The following ABTB3 variants were observed in gnomAD, a reference collection of about 807,000 sequenced individuals.
ABTB3 encodes ankyrin repeat and BTB domain containing 3.
At chr12:107,609,943 C>A in the ABTB3 span, 11 of 488,884 alleles carry the variant, frequency 2.3e-5, no homozygotes, top group East Asian at 3.6e-4. Context: ...ATATTCAATA[C>A]GTATTAGTCG....
chr12:107,589,016 C>G, the ABTB3 span, among the ~76,000 whole-genome samples: 575 of 152,292 alleles, frequency 3.8e-3, 1 homozygote, highest in African/African-American at 0.013. Context: ...ACCGCTTACT[C>G]TCTGTGTGAC....
chr12:107,634,680 G>C, the ABTB3 span, among the ~76,000 whole-genome samples: 1 of 152,142 alleles, frequency 6.6e-6, no homozygotes, highest in Non-Finnish European at 1.5e-5. Flanking sequence ...AAGCAGGCGC[G>C]TGTGTCCCCA....
chr12:107,472,262 T>A, the ABTB3 span, among the ~76,000 whole-genome samples: 2 of 152,152 alleles, frequency 1.3e-5, no homozygotes, highest in African/African-American at 4.8e-5. Flanking sequence ...CACATGAACC[T>A]TAAAGGCTTC....
chr12:107,653,964 G>A, the ABTB3 span, among the ~76,000 whole-genome samples: 48 of 152,180 alleles, frequency 3.2e-4, no homozygotes, highest in Admixed American at 8.5e-4. Flanking sequence ...CCCCAGGCCC[G>A]GGTATTTACC....
the ABTB3 span, among the ~76,000 whole-genome samples, chr12:107,476,678 C>G: frequency 6.6e-6 from 1 of 151,834 alleles, no homozygotes; most frequent in East Asian, 1.9e-4. Context: ...GAGCTACATT[C>G]TGGAGTCTCC....
chr12:107,604,704 A>G, the ABTB3 span, among the ~76,000 whole-genome samples: 13 of 152,356 alleles, frequency 8.5e-5, no homozygotes, highest in African/African-American at 3.1e-4. Context: ...AAAACAGAAC[A>G]GAAATTCCTC....
chr12:107,398,190 C>T, the ABTB3 span, among the ~76,000 whole-genome samples: 1 of 152,142 alleles, frequency 6.6e-6, no homozygotes, highest in Non-Finnish European at 1.5e-5. Context: ...CCACCGAGAA[C>T]AGAAAGCCTG....
At chr12:107,516,759 T>G in the ABTB3 span, among the ~76,000 whole-genome samples, 3 of 152,202 alleles carry the variant, frequency 2.0e-5, no homozygotes, top group Non-Finnish European at 4.4e-5. Flanking sequence ...TGAGGCCTTG[T>G]GGTTCAGGCA....
At chr12:107,367,983 T>A in the ABTB3 span, among the ~76,000 whole-genome samples, 1 of 152,244 alleles carries the variant, frequency 6.6e-6, no homozygotes, top group African/African-American at 2.4e-5. Context: ...AAGGAGCTTG[T>A]CCTGATCTTT....
At chr12:107,634,273 A>G in the ABTB3 span, among the ~76,000 whole-genome samples, 1 of 152,244 alleles carries the variant, frequency 6.6e-6, no homozygotes, top group Non-Finnish European at 1.5e-5. Context: ...AATTCAAAAG[A>G]ATATTTATTG....
the ABTB3 span, among the ~76,000 whole-genome samples, chr12:107,590,084 A>ATT: frequency 1.3e-5 from 2 of 150,828 alleles, no homozygotes; most frequent in Non-Finnish European, 3.0e-5. Flanking sequence ...TAATTCTTGT[A>ATT]TTTTTTTTTA....
chr12:107,362,077 GA>G, the ABTB3 span, among the ~76,000 whole-genome samples: 2 of 152,182 alleles, frequency 1.3e-5, no homozygotes, highest in Non-Finnish European at 2.9e-5. Context: ...CTGTGAAAAA[GA>G]AATGTTTGTC....
chr12:107,545,344 C>A, the ABTB3 span, among the ~76,000 whole-genome samples: 2 of 152,004 alleles, frequency 1.3e-5, no homozygotes, highest in Non-Finnish European at 2.9e-5. Flanking sequence ...CCGGCTCAAG[C>A]GATTCTCATT....
chr12:107,424,958 C>T, the ABTB3 span, among the ~76,000 whole-genome samples: 84 of 152,346 alleles, frequency 5.5e-4, no homozygotes, highest in African/African-American at 1.9e-3. Context: ...CCCTGTCCCT[C>T]CTAGTAGCTG....
At chr12:107,412,409 G>A in the ABTB3 span, among the ~76,000 whole-genome samples, 1 of 152,214 alleles carries the variant, frequency 6.6e-6, no homozygotes, top group East Asian at 1.9e-4. Context: ...AGTCCTGCAA[G>A]ATTGAAAGAG....
chr12:107,463,503 C>T, the ABTB3 span, among the ~76,000 whole-genome samples: 1 of 152,124 alleles, frequency 6.6e-6, no homozygotes, highest in South Asian at 2.1e-4. Flanking sequence ...TGTGATTACT[C>T]CCATTTTACA....
the ABTB3 span, among the ~76,000 whole-genome samples, chr12:107,332,812 T>C: frequency 6.6e-6 from 1 of 152,178 alleles, no homozygotes; most frequent in Non-Finnish European, 1.5e-5. Context: ...CCTGTTCTCC[T>C]ACTGGCCCTG....
chr12:107,606,577 T>C, the ABTB3 span, among the ~76,000 whole-genome samples: 1 of 152,192 alleles, frequency 6.6e-6, no homozygotes, highest in Non-Finnish European at 1.5e-5. Flanking sequence ...TGCATATTTT[T>C]CATGCAAAAA....
the ABTB3 span, among the ~76,000 whole-genome samples, chr12:107,326,670 A>G: frequency 6.6e-6 from 1 of 152,200 alleles, no homozygotes; most frequent in Non-Finnish European, 1.5e-5. Flanking sequence ...CTATCCATGA[A>G]GCTGAGTGTG....
Sources: gnomAD v4.1 joint callset for allele counts (sites outside exome capture counted in the v4.1 genomes callset) on GRCh38, gnomAD v4.1.1 for gene constraint, MANE v1.5 for transcripts, NCBI Gene and HGNC (gene_info 2026-07-23, HGNC 2026-07-21) for gene names.